Variants in CTNNA2 observed in about 807,000 individuals in gnomAD.
CTNNA2 encodes catenin alpha 2.
A neutral mutation model predicts 101.0 loss-of-function variants in CTNNA2; 42 were observed. The observed-to-expected ratio is 0.42, with a 90% CI of 0.32 to 0.54. CTNNA2 has a LOEUF of 0.54. Ranked by LOEUF, CTNNA2 falls within the 20% of genes least tolerant of loss-of-function variation. The probability of loss-of-function intolerance (pLI) is 0.14; values close to 1 mark genes in which losing one functional copy is unlikely to be tolerated. For missense variants in CTNNA2, 871 were observed against 1,223.1 expected (o/e 0.71, Z 4.29); for synonymous variants, 450 against 456.4 (o/e 0.99, Z 0.18).
At chr2:80,394,083 C>G (rs781718268) in intron 8 of CTNNA2, among the ~76,000 whole-genome samples, 4 of 152,194 alleles carry the variant, frequency 2.6e-5, no homozygotes, top group Non-Finnish European at 5.9e-5. Context: ...TTGGCTATGT[C>G]CATCTCATTC....
intron 7 of CTNNA2, among the ~76,000 whole-genome samples, chr2:79,968,101 G>A (rs1052452920): frequency 1.3e-5 from 2 of 152,030 alleles, no homozygotes; most frequent in African/African-American, 2.4e-5. Flanking sequence ...TTGGAGTGAT[G>A]GCAATGTTTT....
intron 7 of CTNNA2, among the ~76,000 whole-genome samples, chr2:80,085,540 C>T (rs1235827681): frequency 6.6e-6 from 1 of 152,028 alleles, no homozygotes; most frequent in East Asian, 1.9e-4. Flanking sequence ...GTTATGTATG[C>T]ACACCTGTAT....
chr2:79,289,605 C>T (rs1021689326), intron 2 of CTNNA2, among the ~76,000 whole-genome samples: 11 of 152,016 alleles, frequency 7.2e-5, no homozygotes, highest in Admixed American at 5.2e-4. Context: ...ATTAGCCAGG[C>T]GTAGTGATGT....
chr2:79,297,770 T>C (rs1045244007), intron 2 of CTNNA2, among the ~76,000 whole-genome samples: 3 of 152,244 alleles, frequency 2.0e-5, no homozygotes, highest in African/African-American at 7.2e-5. Flanking sequence ...ATCTATCTAA[T>C]CTTTTGTCAA....
At chr2:79,885,711 G>A (rs918678257) in intron 6 of CTNNA2, among the ~76,000 whole-genome samples, 5 of 152,142 alleles carry the variant, frequency 3.3e-5, no homozygotes, top group African/African-American at 9.7e-5. Context: ...CATTACATTA[G>A]AATGAAGGTG....
chr2:80,191,382 A>T (rs890958869), intron 7 of CTNNA2, among the ~76,000 whole-genome samples: 1 of 152,184 alleles, frequency 6.6e-6, no homozygotes, highest in African/African-American at 2.4e-5. Context: ...TCCAAGAAGT[A>T]TTTATTCAGT....
At chr2:79,987,584 G>T (rs937622357) in intron 7 of CTNNA2, among the ~76,000 whole-genome samples, 1 of 148,960 alleles carries the variant, frequency 6.7e-6, no homozygotes, top group Non-Finnish European at 1.5e-5. Flanking sequence ...GGTATAAGTT[G>T]CAGGCATGTA....
At chr2:79,499,068 T>C (rs771633834) in intron 4 of CTNNA2, 3 of 152,156 alleles carry the variant, frequency 2.0e-5, no homozygotes, top group African/African-American at 4.8e-5. Flanking sequence ...TGTGAGTACA[T>C]AATCATTTCC....
At chr2:80,173,425 G>A (rs937296750) in intron 7 of CTNNA2, among the ~76,000 whole-genome samples, 1 of 152,206 alleles carries the variant, frequency 6.6e-6, no homozygotes, top group East Asian at 1.9e-4. Flanking sequence ...TCAGGAGACA[G>A]ACATGCAATT....
intron 6 of CTNNA2, among the ~76,000 whole-genome samples, chr2:79,906,636 GC>G (rs1685447600): frequency 6.6e-6 from 1 of 152,076 alleles, no homozygotes; most frequent in African/African-American, 2.4e-5. Context: ...AATGTTTCAG[GC>G]TTTTACTTTC....
intron 6 of CTNNA2, among the ~76,000 whole-genome samples, chr2:79,885,812 T>G (rs1226941527): frequency 6.6e-6 from 1 of 152,186 alleles, no homozygotes; most frequent in Non-Finnish European, 1.5e-5. Flanking sequence ...GAATGGCCAA[T>G]AGAAGTAACC....
intron 7 of CTNNA2, among the ~76,000 whole-genome samples, chr2:80,231,064 C>T (rs1709182499): frequency 6.6e-6 from 1 of 151,986 alleles, no homozygotes; most frequent in Admixed American, 6.6e-5. Context: ...CTCCATCTCC[C>T]AGGTTCAAGT....
Position 79,648,477 on chromosome 2 carries a change from A to T in CTNNA2, c.-5-3075A>T, listed in dbSNP as rs182131747. On this transcript the variant is annotated intron_variant, in intron 1 of 18. Transcript: ENST00000402739. ...ATTTTTTAAGGAAAATGTTCCTACT[A>T]CAAGGTCTAATACAGACAGCAGAAA... Among the ~76,000 whole-genome samples the T allele has an allele frequency of 2.6e-5, 4 of 152,306 alleles. No homozygotes were observed. The East Asian group carries it at 7.7e-4, about 29-fold the overall frequency.
At chr2:79,288,171 C>T (rs528628884) in intron 2 of CTNNA2, among the ~76,000 whole-genome samples, 67 of 152,334 alleles carry the variant, frequency 4.4e-4, no homozygotes, top group Middle Eastern at 3.4e-3. Context: ...GAGATGAACC[C>T]GGTACCTCAC....
At chr2:79,528,377 GATT>G (rs60857367) in intron 1 of CTNNA2, among the ~76,000 whole-genome samples, 32 of 151,330 alleles carry the variant, frequency 2.1e-4, no homozygotes, top group Non-Finnish European at 3.5e-4. Context: ...ATGCTTGGCT[GATT>G]ATTATTATTA....
At chr2:79,751,082 A>G (rs774023946) in intron 3 of CTNNA2, among the ~76,000 whole-genome samples, 36 of 152,298 alleles carry the variant, frequency 2.4e-4, no homozygotes, top group Non-Finnish European at 4.7e-4. Context: ...AAAAAGATAC[A>G]TAGCTGAAAT....
intron 2 of CTNNA2, among the ~76,000 whole-genome samples, chr2:79,230,595 A>G (rs1289368889): frequency 1.3e-5 from 2 of 152,226 alleles, no homozygotes; most frequent in Admixed American, 6.5e-5. Context: ...TGAAGCCCCC[A>G]CACAGAGTCC....
intron 7 of CTNNA2, among the ~76,000 whole-genome samples, chr2:80,213,770 G>T (rs1279770933): frequency 2.0e-5 from 3 of 152,266 alleles, no homozygotes; most frequent in African/African-American, 7.2e-5. Flanking sequence ...GGGTATCCTT[G>T]TTAACTTTCT....
chr2:79,654,047 G>A (rs530803864), intron 2 of CTNNA2, among the ~76,000 whole-genome samples: 2 of 152,210 alleles, frequency 1.3e-5, no homozygotes, highest in African/African-American at 4.8e-5. Flanking sequence ...AGAAGTTAAT[G>A]GTTTTCTCTA....
Sources: allele counts gnomAD v4.1 joint callset (sites outside exome capture counted in the v4.1 genomes callset), GRCh38; gene constraint gnomAD v4.1.1; transcripts MANE v1.5; gene names NCBI Gene and HGNC (gene_info 2026-07-23, HGNC 2026-07-21).